Variants in FILIP1L observed in about 807,000 individuals in gnomAD.
FILIP1L encodes the protein filamin A-interacting protein 1-like.
A neutral mutation model predicts 96.6 loss-of-function variants in FILIP1L; 55 were observed. That is an observed-to-expected ratio of 0.57 (90% CI 0.46 to 0.71). FILIP1L has a LOEUF of 0.71. Ranked by LOEUF, FILIP1L falls within the 30% of genes least tolerant of loss-of-function variation. The probability of loss-of-function intolerance (pLI) is 0.00; values close to 1 mark genes in which losing one functional copy is unlikely to be tolerated. For missense variants in FILIP1L, 1,304 were observed against 1,321.2 expected (o/e 0.99, Z 0.20); for synonymous variants, 467 against 473.9 (o/e 0.99, Z 0.19).
At chr3:99,831,719 A>G (rs1301944955) in intron 5 of FILIP1L, among the ~76,000 whole-genome samples, 1 of 152,222 alleles carries the variant, frequency 6.6e-6, no homozygotes, top group Non-Finnish European at 1.5e-5. Context: ...GATCGTCTTT[A>G]AATTGTAGAT....
chr3:99,944,132 A>C (rs1707934220), intron 1 of FILIP1L, among the ~76,000 whole-genome samples: 1 of 152,248 alleles, frequency 6.6e-6, no homozygotes, highest in Admixed American at 6.5e-5. Flanking sequence ...TACATTACTC[A>C]GGCCCTACCT....
At chr3:99,857,640 T>C (rs1264310454) in intron 4 of FILIP1L, among the ~76,000 whole-genome samples, 2 of 152,198 alleles carry the variant, frequency 1.3e-5, no homozygotes, top group Non-Finnish European at 2.9e-5. Flanking sequence ...TGTTTTGCAG[T>C]TTTTCAGATG....
intron 1 of FILIP1L, among the ~76,000 whole-genome samples, chr3:99,971,944 G>A (rs1708835208): frequency 1.3e-5 from 2 of 152,180 alleles, no homozygotes; most frequent in Non-Finnish European, 1.5e-5. Flanking sequence ...CTAGATATAT[G>A]TAGTCTTGTT....
chr3:100,011,459 ATCT>A, intron 1 of FILIP1L, among the ~76,000 whole-genome samples: 1 of 152,312 alleles, frequency 6.6e-6, no homozygotes, highest in South Asian at 2.1e-4. Context: ...GTTAGATGCC[ATCT>A]TCCTCCAAAA....
At chr3:100,011,409 A>T (rs903922140) in intron 1 of FILIP1L, among the ~76,000 whole-genome samples, 3 of 152,126 alleles carry the variant, frequency 2.0e-5, no homozygotes, top group Non-Finnish European at 4.4e-5. Flanking sequence ...TTAGAGACTA[A>T]CTTAATAAAA....
rs1014226391 is a variant in FILIP1L, at chr3:99,829,822, G to A, written c.*592C>T. Among the ~76,000 whole-genome samples the A allele has an allele frequency of 6.6e-6, 1 of 152,124 alleles. No individual in the cohort carries two copies. On this transcript the variant is annotated 3_prime_UTR_variant, in exon 6 of 6. Coordinates refer to ENST00000477258, the MANE Select transcript of FILIP1L (RefSeq NM_001387850.1). ...TGCTTACTACACCAGTGATTGTCAG[G>A]TATTCTGCACAAAGGATATATTCGG...
intron 4 of FILIP1L, among the ~76,000 whole-genome samples, chr3:99,920,878 C>T (rs1022472070): frequency 1.3e-5 from 2 of 152,184 alleles, no homozygotes; most frequent in Non-Finnish European, 2.9e-5. Flanking sequence ...TCACGTAGTT[C>T]TTAATTTTTG....
intron 4 of FILIP1L, among the ~76,000 whole-genome samples, chr3:99,871,092 A>C (rs1364757405): frequency 2.0e-5 from 3 of 152,190 alleles, no homozygotes; most frequent in Admixed American, 6.5e-5. Flanking sequence ...TGCCTATATA[A>C]CATACACTGC....
At chr3:99,925,295 T>C (rs1327445097) in intron 3 of FILIP1L, among the ~76,000 whole-genome samples, 1 of 152,252 alleles carries the variant, frequency 6.6e-6, no homozygotes, top group African/African-American at 2.4e-5. Flanking sequence ...CACAGCACTA[T>C]ACTTACATCT....
intron 1 of FILIP1L, among the ~76,000 whole-genome samples, chr3:100,101,379 G>A (rs576063087): frequency 2.6e-4 from 39 of 152,236 alleles, no homozygotes; most frequent in African/African-American, 7.7e-4. Context: ...GATATTTGGC[G>A]GGAGGAGCAG....
intron 4 of FILIP1L, among the ~76,000 whole-genome samples, chr3:99,915,906 G>T (rs559241852): frequency 2.0e-5 from 3 of 152,184 alleles, no homozygotes; most frequent in Non-Finnish European, 4.4e-5. Flanking sequence ...CCAGTATAGG[G>T]TCTACATAAA....
chr3:99,980,614 A>T (rs1709093493), intron 1 of FILIP1L, among the ~76,000 whole-genome samples: 1 of 152,186 alleles, frequency 6.6e-6, no homozygotes, highest in Non-Finnish European at 1.5e-5. Flanking sequence ...CAGTTTTTAG[A>T]TTTCAGAATT....
At chr3:99,967,691 C>G (rs1708695090) in intron 1 of FILIP1L, among the ~76,000 whole-genome samples, 1 of 152,150 alleles carries the variant, frequency 6.6e-6, no homozygotes, top group Non-Finnish European at 1.5e-5. Flanking sequence ...TGAAAGACAC[C>G]TGAGAAATCT....
intron 1 of FILIP1L, among the ~76,000 whole-genome samples, chr3:100,038,451 T>C (rs917275305): frequency 6.6e-6 from 1 of 152,194 alleles, no homozygotes; most frequent in Non-Finnish European, 1.5e-5. Flanking sequence ...TATAGAGAAT[T>C]CGAGTAGGGA....
intron 1 of FILIP1L, among the ~76,000 whole-genome samples, chr3:100,111,333 A>T (rs1269411620): frequency 6.6e-6 from 1 of 152,138 alleles, no homozygotes; most frequent in Non-Finnish European, 1.5e-5. Flanking sequence ...ATTTTTCTAG[A>T]ACTTTATTTA....
chr3:100,021,607 A>T (rs180949694), intron 1 of FILIP1L, among the ~76,000 whole-genome samples: 1 of 152,324 alleles, frequency 6.6e-6, no homozygotes, highest in African/African-American at 2.4e-5. Flanking sequence ...ATTTTAGAAG[A>T]TCACTGGCCC....
chr3:100,030,544 C>T (rs1203965407), intron 1 of FILIP1L, among the ~76,000 whole-genome samples: 2 of 152,120 alleles, frequency 1.3e-5, no homozygotes, highest in Admixed American at 6.6e-5. Context: ...CCTGTTTTCC[C>T]GTTGAGAGCA....
intron 1 of FILIP1L, among the ~76,000 whole-genome samples, chr3:99,952,210 T>C (rs761807463): frequency 3.3e-5 from 5 of 152,132 alleles, no homozygotes; most frequent in Admixed American, 6.5e-5. Context: ...AGGGTCAATT[T>C]CTATTTGAGA....
In FILIP1L at chr3:99,929,283, C is replaced by T. The variant is rs577094451; in HGVS notation, c.426+573G>A. ...TTTGCCGTTGTAATTGCTAGGTACG[C>T]TTGGTGAGGGAAAGGTCTTTGCTGT... On this transcript the variant is annotated intron_variant, in intron 3 of 5. Transcript: ENST00000477258. Among the ~76,000 whole-genome samples the T allele has an allele frequency of 3.3e-5, 5 of 152,264 alleles. No individual in the cohort carries two copies. The South Asian group carries it at 8.3e-4, about 25-fold the overall frequency.
Sources: gnomAD v4.1 joint callset for allele counts (sites outside exome capture counted in the v4.1 genomes callset) on GRCh38, gnomAD v4.1.1 for gene constraint, MANE v1.5 for transcripts, NCBI Gene and HGNC (gene_info 2026-07-23, HGNC 2026-07-21) for gene names.